The following KCTD10 variants were observed in gnomAD, a reference collection of about 807,000 sequenced individuals.
KCTD10 encodes the protein BTB/POZ domain-containing adapter for CUL3-mediated RhoA degradation protein 3.
KCTD10 carries 13 observed loss-of-function variants against 34.6 expected under a neutral mutation model. That is an observed-to-expected ratio of 0.38 (90% CI 0.24 to 0.60). The LOEUF is 0.60. Ranked by LOEUF, KCTD10 falls within the 20% of genes least tolerant of loss-of-function variation. KCTD10 has a pLI of 0.66. For synonymous variants in KCTD10, 156 were observed against 168.8 expected (o/e 0.92, Z 0.59); for missense variants, 256 against 420.3 (o/e 0.61, Z 3.42).
At chr12:109,457,558 G>T (rs1873080907) in intron 5 of KCTD10, 72 bp downstream of exon 5, 1 of 1,351,020 alleles carries the variant, frequency 7.4e-7, no homozygotes, top group Non-Finnish European at 1.1e-6. Flanking sequence ...GTACGAAGAA[G>T]AGCTGGGCCT....
intron 2 of KCTD10, among the ~76,000 whole-genome samples, chr12:109,464,051 C>G (rs931476782): frequency 6.6e-6 from 1 of 152,156 alleles, no homozygotes. Context: ...CTCCCCGCCC[C>G]GTGAGCATAC....
chr12:109,476,448 A>G (rs1441245719), intron 1 of KCTD10, among the ~76,000 whole-genome samples: 1 of 152,176 alleles, frequency 6.6e-6, no homozygotes, highest in African/African-American at 2.4e-5. Context: ...CCCAGGGACA[A>G]TGAGCTACTC....
At chr12:109,463,293 C>T (rs1261665356) in intron 2 of KCTD10, among the ~76,000 whole-genome samples, 1 of 152,158 alleles carries the variant, frequency 6.6e-6, no homozygotes, top group Non-Finnish European at 1.5e-5. Context: ...CACTGGGCTC[C>T]GGCTCAAGAA....
intron 2 of KCTD10, among the ~76,000 whole-genome samples, chr12:109,466,224 G>A (rs186227101): frequency 2.0e-5 from 3 of 152,260 alleles, no homozygotes; most frequent in Admixed American, 2.0e-4. Flanking sequence ...CCGACATGCT[G>A]CTAAGACCTG....
intron 2 of KCTD10, among the ~76,000 whole-genome samples, chr12:109,464,194 C>A (rs1426485546): frequency 6.6e-6 from 1 of 152,132 alleles, no homozygotes; most frequent in Admixed American, 6.5e-5. Flanking sequence ...CCCAAACACC[C>A]CTGATCATAA....
At chr12:109,452,220 A>G (rs1403472048) in intron 6 of KCTD10, among the ~76,000 whole-genome samples, 2 of 152,248 alleles carry the variant, frequency 1.3e-5, no homozygotes, top group Non-Finnish European at 2.9e-5. Context: ...TTCTGTATCA[A>G]GGAATTATAA....
chr12:109,449,851 C>G lies in KCTD10; in HGVS notation c.*1744G>C, dbSNP rs917964048. ...ACACTTAAACAGTATAAAATATTTACGAAACATTTTGTAAGCCCTCTTTCC... is the reference window on the plus strand; with the variant it reads ...ACACTTAAACAGTATAAAATATTTAGGAAACATTTTGTAAGCCCTCTTTCC... On this transcript the variant is annotated 3_prime_UTR_variant, in exon 7 of 7. Transcript: ENST00000228495. 7.3e-6 allele frequency: 1 copy of G among 137,180 alleles called. No individual in the cohort carries two copies. Among genetic ancestry groups the G allele is most frequent in the Admixed American group, 7.4e-5 (1 of 13,474 alleles). The allele number at this position is 137,180 out of a possible 1,614,324, so 8.5% of individuals were successfully genotyped here.
intron 3 of KCTD10, chr12:109,458,775 T>G (rs780567163): frequency 2.0e-5 from 3 of 152,624 alleles, no homozygotes; most frequent in Non-Finnish European, 4.4e-5. Context: ...CGGCCAGGCC[T>G]AGACCCGTCA....
Position 109,448,947 on chromosome 12 carries a change from G to A in KCTD10, c.*2648C>T, listed in dbSNP as rs766363071. The A allele has an allele frequency of 1.3e-4, 20 of 152,148 alleles. No homozygotes were observed. The highest frequency in any genetic ancestry group is 2.5e-4 in the Non-Finnish European group (17 of 68,034). The allele number at this position is 152,148 out of a possible 1,614,324, so 9.4% of individuals were successfully genotyped here. On this transcript the variant is annotated 3_prime_UTR_variant, in exon 7 of 7. Coordinates refer to ENST00000228495, the MANE Select transcript of KCTD10 (RefSeq NM_031954.5). ...GCCCCACGGGAGGGTGACAGAATATGCCAGGAATTGTCTTGGACATGGGCC... is the reference window on the plus strand; with the variant it reads ...GCCCCACGGGAGGGTGACAGAATATACCAGGAATTGTCTTGGACATGGGCC...
intron 2 of KCTD10, among the ~76,000 whole-genome samples, chr12:109,465,178 A>G (rs772395471): frequency 1.4e-4 from 20 of 146,934 alleles, no homozygotes; most frequent in Non-Finnish European, 2.1e-4. Context: ...CTACATGATC[A>G]TCAACAGAAT....
At chr12:109,467,444 G>GC (rs1445887724) in intron 2 of KCTD10, among the ~76,000 whole-genome samples, 7 of 152,016 alleles carry the variant, frequency 4.6e-5, no homozygotes, top group Non-Finnish European at 8.8e-5. Flanking sequence ...ACATAGTGAG[G>GC]CCCCATCTCC....
At position 109,469,510 on chromosome 12, in the gene KCTD10, C is replaced by T; in HGVS notation, c.217+5G>A. The T allele has an allele frequency of 6.2e-7, 1 of 1,613,528 alleles. No homozygotes were observed. Among genetic ancestry groups the T allele is most frequent in the Non-Finnish European group, 8.5e-7 (1 of 1,179,736 alleles). ...CAGAGGCAGGCACATGGTGGGTGAG[C>T]TTACCTTCACTGTCGGTGAGCACTT... On this transcript the variant is annotated splice_donor_5th_base_variant and intron_variant, in intron 2 of 6. Transcript: ENST00000228495.
Position 109,452,845 on chromosome 12 carries a change from C to CTTTTTTTTTTTTTTT in KCTD10, c.724-1033_724-1032insAAAAAAAAAAAAAAA, listed in dbSNP as rs746503433. On this transcript the variant is annotated intron_variant, in intron 6 of 6. Transcript: ENST00000228495. ...TGGGAGGAAATCCTGGTTTTCTTTCCTTTTTTTTTAAAAGATATGGGATCT... is the reference window on the plus strand; with the variant it reads ...TGGGAGGAAATCCTGGTTTTCTTTCCTTTTTTTTTTTTTTTTTTTTTTTTAAAAGATATGGGATCT... 3.6e-3 allele frequency among the ~76,000 whole-genome samples: 517 copies of CTTTTTTTTTTTTTTT among 143,638 alleles called. 2 individuals carry two copies. Among genetic ancestry groups the CTTTTTTTTTTTTTTT allele is most frequent in the African/African-American group, 8.7e-3 (327 of 37,528 alleles). The allele number at this position is 143,638 out of a possible 152,430, so 94.2% of individuals were successfully genotyped here.
chr12:109,474,167 G>A (rs931972204), intron 1 of KCTD10, among the ~76,000 whole-genome samples: 13 of 151,962 alleles, frequency 8.6e-5, no homozygotes, highest in Admixed American at 3.9e-4. Flanking sequence ...CATCTGCCTC[G>A]GCCTCCCAAA....
chr12:109,456,331 A>G lies in KCTD10; in HGVS notation c.528-18T>C, dbSNP rs1873016535. The stretch of plus-strand genomic sequence containing the variant: ...CAGAATTGCTGCAAAAGAGCATTTG[A>G]TACGGTGACCACAAGCTGGTAAAAA... On this transcript the variant is annotated intron_variant, in intron 5 of 6. Coordinates refer to ENST00000228495, the MANE Select transcript of KCTD10 (RefSeq NM_031954.5). 2 of 1,610,702 alleles carry G rather than the reference A, an allele frequency of 1.2e-6. No individual in the cohort carries two copies. Among genetic ancestry groups the G allele is most frequent in the African/African-American group, 2.7e-5 (2 of 74,874 alleles).
intron 2 of KCTD10, among the ~76,000 whole-genome samples, chr12:109,467,743 T>C (rs1178179167): frequency 1.3e-5 from 2 of 152,062 alleles, no homozygotes; most frequent in South Asian, 2.1e-4. Flanking sequence ...AAAATGACAC[T>C]GTGTCCCCCG....
chr12:109,471,013 C>T (rs1873859109), intron 1 of KCTD10: 10 of 589,540 alleles, frequency 1.7e-5, no homozygotes, highest in Non-Finnish European at 2.1e-5. Context: ...CACAGTTCTT[C>T]CCCACCCCAA....
At position 109,450,239 on chromosome 12, in the gene KCTD10, C is replaced by G. The variant is rs1872701259; in HGVS notation, c.*1356G>C. On this transcript the variant is annotated 3_prime_UTR_variant, in exon 7 of 7. Transcript: ENST00000228495. ...CTCTACCTAGTCTAGTCTCAACCAC[C>G]CCTGTCAGTCACGACTCACTCCTGT... 2.5e-6 allele frequency: 1 copy of G among 398,508 alleles called. No individual in the cohort carries two copies. Among genetic ancestry groups the G allele is most frequent in the Non-Finnish European group, 4.4e-6 (1 of 226,084 alleles). The allele number at this position is 398,508 out of a possible 1,614,324, so 24.7% of individuals were successfully genotyped here.
chr12:109,457,768 T>C, intron 4 of KCTD10, 86 bp from the exon 5 acceptor site: 1 of 1,378,684 alleles, frequency 7.3e-7, no homozygotes, highest in Non-Finnish European at 1.0e-6. Context: ...GCTGGGGCCC[T>C]GCCCTGCATC....
Sources: gnomAD v4.1 joint callset for allele counts (sites outside exome capture counted in the v4.1 genomes callset) on GRCh38, gnomAD v4.1.1 for gene constraint, MANE v1.5 for transcripts, NCBI Gene and HGNC (gene_info 2026-07-23, HGNC 2026-07-21) for gene names.